WNT7A: variants seen among roughly 807,000 people sequenced by gnomAD.
The protein encoded by WNT7A is protein Wnt-7a.
In WNT7A, 16 loss-of-function variants were observed where a neutral mutation model predicts 28.2. The observed-to-expected ratio is 0.57, with a 90% CI of 0.38 to 0.86. The LOEUF is 0.86. Among genes scored for constraint, WNT7A ranks in the 40% least tolerant of loss-of-function variants. WNT7A has a pLI of 0.00. For synonymous variants in WNT7A, 190 were observed against 195.9 expected (o/e 0.97, Z 0.25); for missense variants, 411 against 489.7 (o/e 0.84, Z 1.52).
intron 2 of WNT7A, among the ~76,000 whole-genome samples, chr3:13,865,909 G>T (rs2124870903): frequency 6.6e-6 from 1 of 152,334 alleles, no homozygotes; most frequent in East Asian, 1.9e-4. Flanking sequence ...AGTAAACAAA[G>T]TCACTTCCAA....
intron 3 of WNT7A, among the ~76,000 whole-genome samples, chr3:13,833,453 GC>G (rs1227703651): frequency 6.6e-5 from 10 of 152,244 alleles, no homozygotes; most frequent in African/African-American, 2.4e-4. Context: ...GGCATGGGGG[GC>G]CTGGGGCCAG....
intron 3 of WNT7A, among the ~76,000 whole-genome samples, chr3:13,845,262 G>A (rs888513812): frequency 2.0e-5 from 3 of 152,100 alleles, no homozygotes; most frequent in Non-Finnish European, 2.9e-5. Flanking sequence ...AGGCCCCTTA[G>A]TAGTCAACGT....
chr3:13,863,277 C>A (rs1694860817), intron 2 of WNT7A, among the ~76,000 whole-genome samples: 1 of 152,194 alleles, frequency 6.6e-6, no homozygotes, highest in African/African-American at 2.4e-5. Flanking sequence ...GCACCCTGTC[C>A]ATCCTTACTT....
chr3:13,877,403 T>C (rs1695126357), intron 1 of WNT7A, among the ~76,000 whole-genome samples: 1 of 152,248 alleles, frequency 6.6e-6, no homozygotes, highest in Admixed American at 6.5e-5. Context: ...GCTGGGAATG[T>C]CTGAGGAAGA....
chr3:13,868,753 G>GT (rs1694965410), intron 2 of WNT7A, among the ~76,000 whole-genome samples: 1 of 143,468 alleles, frequency 7.0e-6, no homozygotes, highest in African/African-American at 2.7e-5. Context: ...AAGAAAGAAA[G>GT]GAGGGAAGGG....
chr3:13,853,490 G>T (rs1295395615), intron 3 of WNT7A, among the ~76,000 whole-genome samples: 1 of 152,122 alleles, frequency 6.6e-6, no homozygotes, highest in Non-Finnish European at 1.5e-5. Flanking sequence ...CTACCTCTGG[G>T]TCTGTGTCCA....
chr3:13,856,963 A>AAGAAGAAGAAGAAGGAGAAGG (rs1559303383), intron 2 of WNT7A, among the ~76,000 whole-genome samples: 2 of 115,304 alleles, frequency 1.7e-5, no homozygotes, highest in Non-Finnish European at 3.4e-5. Context: ...GAAGAAGAAG[A>AAGAAGAAGAAGAAGGAGAAGG]AGAAGGAGAA....
rs184533941 is a variant in WNT7A at position 13,832,245 on chromosome 3, C to T, written c.571-12822G>A. Reference sequence around the variant, plus strand: ...CTTCATGCTCCTCCTTCTCCCCCTCCTCCTCCTCTTGCTCCCATCCTCCTG... The same window carrying T: ...CTTCATGCTCCTCCTTCTCCCCCTCTTCCTCCTCTTGCTCCCATCCTCCTG... On this transcript the variant is annotated intron_variant, in intron 3 of 3. Transcript: ENST00000285018. 1.7e-4 allele frequency among the ~76,000 whole-genome samples: 26 copies of T among 150,284 alleles called. No individual in the cohort carries two copies. The South Asian group carries it at 3.4e-3, about 20-fold the overall frequency.
chr3:13,844,027 G>A (rs367650885), intron 3 of WNT7A, among the ~76,000 whole-genome samples: 1 of 152,106 alleles, frequency 6.6e-6, no homozygotes, highest in Non-Finnish European at 1.5e-5. Flanking sequence ...GATTATAGGC[G>A]GGAGCCACCG....
intron 2 of WNT7A, among the ~76,000 whole-genome samples, 177 bp from the exon 3 acceptor site, chr3:13,854,980 C>A (rs1204551782): frequency 6.6e-6 from 1 of 152,220 alleles, no homozygotes; most frequent in Non-Finnish European, 1.5e-5. Flanking sequence ...CTGAGCACCT[C>A]CCATTACACA....
chr3:13,873,009 T>G (rs987609309), intron 2 of WNT7A, among the ~76,000 whole-genome samples: 3 of 151,380 alleles, frequency 2.0e-5, no homozygotes, highest in African/African-American at 2.4e-5. Context: ...CCCAGGAATT[T>G]TGTGTGTGTG....
chr3:13,836,672 A>C (rs1232662678), intron 3 of WNT7A, among the ~76,000 whole-genome samples: 1 of 152,214 alleles, frequency 6.6e-6, no homozygotes, highest in Admixed American at 6.5e-5. Context: ...CCAGATAGTC[A>C]GGGAGACAAC....
chr3:13,825,059 A>T (rs1444556409), intron 3 of WNT7A, among the ~76,000 whole-genome samples: 1 of 152,212 alleles, frequency 6.6e-6, no homozygotes, highest in Admixed American at 6.5e-5. Context: ...GCTTGTTTGT[A>T]TGAGAAAGAA....
chr3:13,836,359 G>A (rs1009038907), intron 3 of WNT7A, among the ~76,000 whole-genome samples: 4 of 152,180 alleles, frequency 2.6e-5, no homozygotes, highest in Admixed American at 2.0e-4. Context: ...AGCAGCATCC[G>A]CACGCTCTCC....
chr3:13,833,742 G>A (rs1202849331), intron 3 of WNT7A, among the ~76,000 whole-genome samples: 1 of 152,222 alleles, frequency 6.6e-6, no homozygotes, highest in Admixed American at 6.5e-5. Context: ...ACAGCGTGAG[G>A]GGCAGGGAGG....
chr3:13,854,954 C>G, intron 2 of WNT7A, 151 bp from the exon 3 acceptor site: 1 of 1,053,186 alleles, frequency 9.5e-7, no homozygotes, highest in Non-Finnish European at 1.4e-6. Context: ...ACAAAGCTCC[C>G]TTTTAGGGTG....
At chr3:13,868,147 C>T (rs1188226263) in intron 2 of WNT7A, among the ~76,000 whole-genome samples, 2 of 151,990 alleles carry the variant, frequency 1.3e-5, no homozygotes, top group South Asian at 2.1e-4. Flanking sequence ...GGCTCACAAA[C>T]GTGGATGACA....
At chr3:13,858,924 T>C (rs1223802189) in intron 2 of WNT7A, among the ~76,000 whole-genome samples, 6 of 152,208 alleles carry the variant, frequency 3.9e-5, no homozygotes, top group African/African-American at 1.4e-4. Flanking sequence ...TCCAGCTGGC[T>C]GTGTGACTAA....
rs1212687469 is a variant in WNT7A at position 13,868,942 on chromosome 3, AAGAG to A, written c.298+6001_298+6004del. On this transcript the variant is annotated intron_variant, in intron 2 of 3. Coordinates refer to ENST00000285018, the MANE Select transcript of WNT7A (RefSeq NM_004625.4). ...AGGAAGGAAAGAAGGAAGGAAGGAA[AAGAG>A]AGAGAATGGAAGGAAGGAAGGGAGA... Among the ~76,000 whole-genome samples the A allele has an allele frequency of 8.1e-5, 11 of 135,258 alleles. No individual in the cohort carries two copies. The East Asian group carries it at 2.6e-3, about 32-fold the overall frequency. 88.7% of individuals were successfully genotyped at this position (135,258 alleles called of 152,430 possible). A position where few individuals can be genotyped will look rare whatever the true frequency, so the allele number is the denominator to read the frequency against.
Sources: gnomAD v4.1 joint callset for allele counts (sites outside exome capture counted in the v4.1 genomes callset) on GRCh38, gnomAD v4.1.1 for gene constraint, MANE v1.5 for transcripts, NCBI Gene and HGNC (gene_info 2026-07-23, HGNC 2026-07-21) for gene names.